The following ANKRD30A variants were observed in gnomAD, a reference collection of about 807,000 sequenced individuals.
The protein encoded by ANKRD30A is ankyrin repeat domain-containing protein 30A.
In ANKRD30A, 170 loss-of-function variants were observed where a neutral mutation model predicts 166.3. The ratio of observed to expected loss-of-function variants is 1.02; its 90% CI spans 0.90 to 1.16. The LOEUF (loss-of-function observed/expected upper bound fraction) is 1.16. Ranked by LOEUF, ANKRD30A falls within the 50% of genes most tolerant of loss-of-function variation. The probability of loss-of-function intolerance (pLI) is 0.00; values close to 1 mark genes in which losing one functional copy is unlikely to be tolerated. For synonymous variants in ANKRD30A, 564 were observed against 508.9 expected (o/e 1.11, Z -1.46); for missense variants, 1,630 against 1,518.0 (o/e 1.07, Z -1.23).
the ANKRD30A span, chr10:37,248,294 G>C: frequency 2.0e-6 from 1 of 492,574 alleles, no homozygotes; most frequent in Non-Finnish European, 4.0e-6. Flanking sequence ...GCCTTCCACT[G>C]TTCAGTTCTG....
At chr10:37,182,886 G>A (rs1160094940) in intron 24 of ANKRD30A, among the ~76,000 whole-genome samples, 7 of 150,934 alleles carry the variant, frequency 4.6e-5, no homozygotes, top group Admixed American at 6.6e-5. Context: ...ATGAGGCACC[G>A]TGCCCGGCCG....
intron 31 of ANKRD30A, among the ~76,000 whole-genome samples, chr10:37,214,317 G>A (rs914280700): frequency 6.6e-6 from 1 of 151,060 alleles, no homozygotes; most frequent in Non-Finnish European, 1.5e-5. Flanking sequence ...TTTCTTATAG[G>A]CATTACACAG....
At chr10:37,139,383 A>G (rs1564474010) in intron 6 of ANKRD30A, among the ~76,000 whole-genome samples, 1 of 152,202 alleles carries the variant, frequency 6.6e-6, no homozygotes, top group Non-Finnish European at 1.5e-5. Context: ...TAAAGTTTTA[A>G]TGACAAAAGC....
At position 37,172,470 on chromosome 10, in the gene ANKRD30A, A is replaced by G. The variant is rs1292266013; in HGVS notation, c.2258-1242A>G. On this transcript the variant is annotated intron_variant, in intron 21 of 35. Coordinates refer to ENST00000361713, the MANE Select transcript of ANKRD30A (RefSeq NM_052997.3). ...CTATCACTAAACAAAGAGAAAGGAA[A>G]TGTTGAACAAATAAATTTGAAACAG... Among the ~76,000 whole-genome samples the G allele has an allele frequency of 6.0e-5, 8 of 133,238 alleles. No homozygotes were observed. In the East Asian group the frequency reaches 6.3e-4, roughly 10 times the overall value. 87.4% of individuals were successfully genotyped at this position (133,238 alleles called of 152,430 possible). A position where few individuals can be genotyped will look rare whatever the true frequency, so the allele number is the denominator to read the frequency against.
intron 29 of ANKRD30A, among the ~76,000 whole-genome samples, chr10:37,199,019 G>A (rs748671761): frequency 3.6e-4 from 55 of 152,020 alleles, no homozygotes; most frequent in Non-Finnish European, 6.3e-4. Context: ...ATTACTTAAG[G>A]CAATTATTTT....
intron 34 of ANKRD30A, among the ~76,000 whole-genome samples, chr10:37,226,011 T>G (rs1843131850): frequency 6.6e-6 from 1 of 151,732 alleles, no homozygotes. Flanking sequence ...TTGTATATAT[T>G]TGTCTGTTCT....
chr10:37,166,840 T>A, intron 19 of ANKRD30A, 145 bp downstream of exon 19: 2 of 1,405,902 alleles, frequency 1.4e-6, no homozygotes. Context: ...ATAAGTTATG[T>A]GTCTCATCAG....
intron 5 of ANKRD30A, among the ~76,000 whole-genome samples, chr10:37,134,944 A>C (rs1836590531): frequency 6.6e-6 from 1 of 152,196 alleles, no homozygotes; most frequent in Admixed American, 6.5e-5. Context: ...GTGTAGTGCC[A>C]TTTTGTAAGT....
the ANKRD30A span, among the ~76,000 whole-genome samples, chr10:37,251,321 C>A: frequency 4.2e-4 from 64 of 152,090 alleles, no homozygotes; most frequent in Non-Finnish European, 7.8e-4. Context: ...TCTTATTACA[C>A]CCTTAATTGT....
chr10:37,126,615 A>G (rs1836035449), intron 1 of ANKRD30A, among the ~76,000 whole-genome samples: 1 of 152,362 alleles, frequency 6.6e-6, no homozygotes, highest in South Asian at 2.1e-4. Context: ...TCAGTTTTAC[A>G]TAAACCAAAT....
At chr10:37,158,067 T>G (rs970084916) in intron 13 of ANKRD30A, among the ~76,000 whole-genome samples, 22 of 152,164 alleles carry the variant, frequency 1.4e-4, no homozygotes, top group African/African-American at 4.8e-4. Flanking sequence ...GTCATCTTAT[T>G]AAATACAACT....
chr10:37,172,479 A>G (rs1213138651), intron 21 of ANKRD30A, among the ~76,000 whole-genome samples: 61 of 137,140 alleles, frequency 4.4e-4, no homozygotes, highest in African/African-American at 1.6e-3. Flanking sequence ...AATGTTGAAC[A>G]AATAAATTTG....
intron 30 of ANKRD30A, among the ~76,000 whole-genome samples, chr10:37,200,621 A>T (rs1436474179): frequency 1.3e-5 from 2 of 152,180 alleles, no homozygotes; most frequent in East Asian, 3.9e-4. Context: ...TTTAGACATG[A>T]CATAATTTTT....
chr10:37,248,203 A>G, the ANKRD30A span: 13 of 632,660 alleles, frequency 2.1e-5, no homozygotes, highest in Non-Finnish European at 3.7e-5. Flanking sequence ...CCCCAGCTCT[A>G]CAAAATCACC....
chr10:37,167,320 A>G (rs115192079), intron 19 of ANKRD30A, among the ~76,000 whole-genome samples: 2,315 of 145,000 alleles, frequency 0.016, 89 homozygotes, highest in African/African-American at 0.059. Flanking sequence ...GCATGTATGT[A>G]TGTTTTTGAT....
intron 31 of ANKRD30A, among the ~76,000 whole-genome samples, chr10:37,206,618 A>G (rs1842012324): frequency 6.6e-6 from 1 of 151,948 alleles, no homozygotes; most frequent in African/African-American, 2.4e-5. Context: ...GGTGAAACCC[A>G]GTCTCTACTA....
chr10:37,137,674 G>A (rs1012266501), intron 6 of ANKRD30A, among the ~76,000 whole-genome samples: 14 of 152,256 alleles, frequency 9.2e-5, no homozygotes, highest in South Asian at 2.1e-4. Context: ...GTGAGGTTGG[G>A]GGAGGGACGC....
At chr10:37,137,266 C>G (rs1318697717) in intron 6 of ANKRD30A, among the ~76,000 whole-genome samples, 4 of 152,112 alleles carry the variant, frequency 2.6e-5, no homozygotes, top group African/African-American at 9.7e-5. Context: ...TGAATAGGAA[C>G]AGCTCCAGTC....
the ANKRD30A span, chr10:37,264,705 A>T: frequency 5.6e-6 from 1 of 178,082 alleles, no homozygotes. Flanking sequence ...ATGTGTAGGC[A>T]AGCAGGCTCT....
Sources: allele counts gnomAD v4.1 joint callset (sites outside exome capture counted in the v4.1 genomes callset), GRCh38; gene constraint gnomAD v4.1.1; transcripts MANE v1.5; gene names NCBI Gene and HGNC (gene_info 2026-07-23, HGNC 2026-07-21).